The following KLHL4 variants were observed in gnomAD, a reference collection of about 807,000 sequenced individuals.
KLHL4 encodes kelch like family member 4.
Under a neutral mutation model 45.8 loss-of-function variants are expected in KLHL4, and 17 were observed. That is an observed-to-expected ratio of 0.37 (90% CI 0.25 to 0.56). The LOEUF is 0.56. Among genes scored for constraint, KLHL4 ranks in the 20% least tolerant of loss-of-function variants. The probability of loss-of-function intolerance (pLI) is 0.79; values close to 1 mark genes in which losing one functional copy is unlikely to be tolerated. For missense variants in KLHL4, 544 were observed against 544.9 expected, an observed-to-expected ratio of 1.00 and a Z score of 0.02; for synonymous variants, 224 against 189.9, an observed-to-expected ratio of 1.18 and a Z score of -1.47.
intron 1 of KLHL4, among the ~76,000 whole-genome samples, chrX:87,543,144 C>T (rs930138718): frequency 2.7e-5 from 3 of 111,292 alleles, no homozygotes; most frequent in Admixed American, 9.6e-5. Context: ...TGAGGCCTCC[C>T]CAGCCATTTG....
chrX:87,553,334 T>G (rs186015016), intron 1 of KLHL4, among the ~76,000 whole-genome samples: 14 of 110,993 alleles, frequency 1.3e-4, no homozygotes, highest in Non-Finnish European at 2.1e-4. Flanking sequence ...TATCAATCAA[T>G]AATTAGTTAA....
At position 87,518,030 on chromosome X, in the gene KLHL4, C is replaced by T; in HGVS notation, c.137C>T (p.Thr46Ile). 8.3e-7 allele frequency: 1 copy of T among 1,211,425 alleles called. No homozygotes were observed. The highest frequency in any genetic ancestry group is 1.1e-6 in the Non-Finnish European group (1 of 895,441). Residue 46 changes from threonine to isoleucine, a missense_variant, in exon 1 of 11, where the codon ACC becomes ATC. Physicochemically the swap from Thr to Ile is moderately conservative, Grantham distance 89. Transcript: ENST00000373119. ...LQQEGYEHRG[T>I]PVQGRLKSHS... ...CAGGAAGGATATGAGCATAGAGGGA[C>T]CCCGGTTCAGGGCAGGTTGAAGAGC...
chrX:87,636,230 T>C (rs1266288405), intron 9 of KLHL4, among the ~76,000 whole-genome samples: 1 of 112,126 alleles, frequency 8.9e-6, no homozygotes, highest in African/African-American at 3.2e-5. Context: ...TATTGTTAAA[T>C]AGTCACACTA....
chrX:87,543,192 G>C (rs1931599480), intron 1 of KLHL4, among the ~76,000 whole-genome samples: 2 of 111,155 alleles, frequency 1.8e-5, no homozygotes, highest in Admixed American at 9.7e-5. Flanking sequence ...GTTTATGAAT[G>C]ACCAAGTTTC....
intron 9 of KLHL4, among the ~76,000 whole-genome samples, chrX:87,661,955 C>G (rs1231458609): frequency 9.0e-6 from 1 of 111,095 alleles, no homozygotes; most frequent in Non-Finnish European, 1.9e-5. Context: ...TAGTATCAAC[C>G]GCGTAGGGTA....
At chrX:87,540,525 C>T (rs186307305) in intron 1 of KLHL4, among the ~76,000 whole-genome samples, 33 of 109,492 alleles carry the variant, frequency 3.0e-4, no homozygotes, top group Non-Finnish European at 4.8e-4. Flanking sequence ...CACAAACACA[C>T]GCATAATCCT....
In KLHL4 at chrX:87,518,224, C is replaced by A; in HGVS notation, c.331C>A (p.Pro111Thr). ...QANEDTPKSV[P>T]EKNLFKEACE... ...AAATGAAGATACTCCTAAATCAGTT[C>A]CAGAGAAGAATTTATTCAAAGAAGC... Residue 111 changes from proline to threonine, a missense_variant, in exon 1 of 11, where the codon CCA (proline) becomes ACA (threonine). Coordinates refer to ENST00000373119, the MANE Select transcript of KLHL4 (RefSeq NM_019117.5). 8.3e-7 allele frequency: 1 copy of A among 1,210,704 alleles called. No homozygotes were observed. The highest frequency in any genetic ancestry group is 1.1e-6 in the Non-Finnish European group (1 of 894,567).
chrX:87,657,075 C>A (rs1166039815), intron 9 of KLHL4, among the ~76,000 whole-genome samples: 2 of 111,239 alleles, frequency 1.8e-5, no homozygotes, highest in African/African-American at 6.5e-5. Flanking sequence ...GCTGGGGTGG[C>A]AGAGCTCTCC....
chrX:87,583,151 G>A lies in KLHL4; in HGVS notation c.423-30726G>A, dbSNP rs987800925. Among the ~76,000 whole-genome samples the A allele has an allele frequency of 2.7e-5, 3 of 112,007 alleles. No homozygotes were observed. In the East Asian group the frequency reaches 8.5e-4, roughly 32 times the overall value. On this transcript the variant is annotated intron_variant, in intron 1 of 10. Transcript: ENST00000373119. ...TCTTGCTAGCTACAGGGTGTTAATT[G>A]GTGCGTTTTTACAGAGCACTGATTG...
chrX:87,584,354 A>C (rs1921387750), intron 1 of KLHL4, among the ~76,000 whole-genome samples: 1 of 112,148 alleles, frequency 8.9e-6, no homozygotes, highest in South Asian at 3.7e-4. Context: ...GACCTCAATA[A>C]ATGAACGAAA....
At chrX:87,616,778 C>G (rs1224365925) in intron 3 of KLHL4, among the ~76,000 whole-genome samples, 1 of 111,597 alleles carries the variant, frequency 9.0e-6, no homozygotes, top group Non-Finnish European at 1.9e-5. Flanking sequence ...TCATACTTCT[C>G]TAGGTCTCAT....
intron 9 of KLHL4, among the ~76,000 whole-genome samples, chrX:87,645,119 C>T (rs973009524): frequency 1.4e-4 from 16 of 111,872 alleles, no homozygotes; most frequent in Non-Finnish European, 5.6e-5. Flanking sequence ...AGACAACCCA[C>T]AGTGTGGGAG....
At chrX:87,595,857 A>T (rs1030563792) in intron 1 of KLHL4, among the ~76,000 whole-genome samples, 1 of 111,522 alleles carries the variant, frequency 9.0e-6, no homozygotes, top group African/African-American at 3.3e-5. Context: ...ATAAACTTTA[A>T]TGCATATGAC....
intron 1 of KLHL4, among the ~76,000 whole-genome samples, chrX:87,577,444 A>T (rs1181648598): frequency 5.4e-5 from 6 of 111,674 alleles, no homozygotes; most frequent in Non-Finnish European, 9.4e-5. Context: ...AAATCCTAGG[A>T]AATGTAACAT....
chrX:87,588,007 A>T (rs1186387290), intron 1 of KLHL4, among the ~76,000 whole-genome samples: 3 of 111,839 alleles, frequency 2.7e-5, no homozygotes, highest in African/African-American at 9.7e-5. Context: ...ATATGTCAAC[A>T]GTGTGAAGAA....
intron 3 of KLHL4, among the ~76,000 whole-genome samples, chrX:87,614,966 T>C (rs1922509276): frequency 4.5e-5 from 5 of 111,451 alleles, no homozygotes; most frequent in Admixed American, 3.8e-4. Context: ...GTCATTCTGT[T>C]CATTCAGAAT....
At chrX:87,633,968 C>A (rs767243316) in intron 8 of KLHL4, 57 bp downstream of exon 8, 3 of 961,720 alleles carry the variant, frequency 3.1e-6, no homozygotes, top group East Asian at 3.2e-5. Context: ...TATAGAACTT[C>A]GGTGACATGA....
intron 9 of KLHL4, among the ~76,000 whole-genome samples, chrX:87,659,113 C>CTTTTTTTT (rs1178733729): frequency 4.4e-4 from 20 of 45,101 alleles, no homozygotes; most frequent in African/African-American, 9.4e-4. Context: ...TCTTTTCTTT[C>CTTTTTTTT]TTTTTTTTTT....
chrX:87,669,503 G>T lies in KLHL4; in HGVS notation c.*2969G>T. ...CACTGAAAGACAGTTTCCTTCTGGAGTTCCAAATGCAATATAGAAAAAAAA... is the reference window on the plus strand; with the variant it reads ...CACTGAAAGACAGTTTCCTTCTGGATTTCCAAATGCAATATAGAAAAAAAA... On this transcript the variant is annotated 3_prime_UTR_variant, in exon 11 of 11. Transcript: ENST00000373119. 1 of 947,373 alleles carries T rather than the reference G, an allele frequency of 1.1e-6. No individual in the cohort carries two copies. Among genetic ancestry groups the T allele is most frequent in the Non-Finnish European group, 1.4e-6 (1 of 716,040 alleles). The allele number at this position is 947,373 out of a possible 1,213,427, so 78.1% of individuals were successfully genotyped here.
Sources: allele counts gnomAD v4.1 joint callset (sites outside exome capture counted in the v4.1 genomes callset), GRCh38; gene constraint gnomAD v4.1.1; transcripts MANE v1.5; gene names NCBI Gene and HGNC (gene_info 2026-07-23, HGNC 2026-07-21).